Variants in PCARE observed in about 807,000 individuals in gnomAD.
PCARE encodes the protein photoreceptor cilium actin regulator, also known as uncharacterized protein C2orf71.
Under a neutral mutation model 82.2 loss-of-function variants are expected in PCARE, and 72 were observed. The ratio of observed to expected loss-of-function variants is 0.88; its 90% CI spans 0.72 to 1.07. The LOEUF (loss-of-function observed/expected upper bound fraction) is 1.07, where lower values mean the gene tolerates loss of function less well. Among genes scored for constraint, PCARE ranks in the 50% least tolerant of loss-of-function variants. The pLI, the probability that PCARE is intolerant of heterozygous loss-of-function variation, is 0.00. For synonymous variants in PCARE, 705 were observed against 634.8 expected (o/e 1.11, Z -1.66); for missense variants, 1,768 against 1,592.4 (o/e 1.11, Z -1.88).
In PCARE at chr2:29,071,081, G is replaced by C; in HGVS notation, c.3181C>G (p.Pro1061Ala). The C allele has an allele frequency of 6.3e-7, 1 of 1,590,466 alleles. No individual in the cohort carries two copies. Among genetic ancestry groups the C allele is most frequent in the South Asian group, 1.1e-5 (1 of 89,484 alleles). The change falls in exon 1 of 2, where the codon CCC becomes GCC. Residue 1061 changes from proline to alanine, a missense_variant. Physicochemically the swap from Pro to Ala is conservative, Grantham distance 27 (BLOSUM62 -1). Coordinates refer to ENST00000331664, the MANE Select transcript of PCARE (RefSeq NM_001029883.3). ...TTGCACTGAGCAGGTGCACTCTCGG[G>C]GGGAGGGTTGGGCAACTTGGGCTGG... ...PHQPKLPNPP[P>A]ESAPAQCKVP...
chr2:29,066,916 T>C (rs1366517053), intron 1 of PCARE, among the ~76,000 whole-genome samples: 4 of 152,230 alleles, frequency 2.6e-5, no homozygotes, highest in Admixed American at 6.5e-5. Flanking sequence ...TCCTGAGACC[T>C]AGAGGCTGGT....
rs370401256 is a variant in PCARE at position 29,072,672 on chromosome 2, C to G, written c.1590G>C (p.Arg530Ser). ...DRESPFQART[R>S]RLRSLQAQEM... ...CCTGGGCCTGGAGGCTCCTAAGCCT[C>G]CTGGTGCGGGCCTGAAATGGGCTTT... Residue 530 changes from arginine to serine, a missense_variant, in exon 1 of 2, where the codon AGG becomes AGC. Physicochemically the swap from Arg to Ser is moderately radical, Grantham distance 110. Transcript: ENST00000331664. The G allele has an allele frequency of 6.2e-7, 1 of 1,613,916 alleles. No homozygotes were observed. The highest frequency in any genetic ancestry group is 1.3e-5 in the African/African-American group (1 of 74,916).
chr2:29,071,777 G>A lies in PCARE; in HGVS notation c.2485C>T (p.His829Tyr), dbSNP rs536921909. The A allele has an allele frequency of 1.9e-6, 3 of 1,613,558 alleles. No individual in the cohort carries two copies. The highest frequency in any genetic ancestry group is 4.5e-5 in the East Asian group (2 of 44,868). Residue 829 changes from histidine (H) to tyrosine (Y), a missense_variant, in exon 1 of 2, where the codon CAC (histidine) becomes TAC (tyrosine). Physicochemically the swap from His to Tyr is moderately conservative, Grantham distance 83 (BLOSUM62 2). Transcript: ENST00000331664. ...ACTTCCATAGGCGGTGGAGGGAGGT[G>A]CTCGAGGTTCCCCTCCATTTCACAG... The part of the protein sequence containing the change: ...LSCEMEGNLE[H>Y]LPPPPMEVLM...
In PCARE at chr2:29,071,162, C is replaced by T; in HGVS notation, c.3100G>A (p.Val1034Met). 6.3e-7 allele frequency: 1 copy of T among 1,578,310 alleles called. No homozygotes were observed. Among genetic ancestry groups the T allele is most frequent in the Non-Finnish European group, 8.6e-7 (1 of 1,162,310 alleles). Residue 1034 changes from valine to methionine, a missense_variant, in exon 1 of 2, where the codon GTG becomes ATG. Transcript: ENST00000331664. The part of the protein sequence containing the change: ...SAVQTPPSPP[V>M]SPRVLSPPTT... ...GGTGGGCTTAGCACCCTGGGGCTCA[C>T]AGGTGGGCTGGGGGGCGTCTGCACA...
rs888285074 is a variant in PCARE at position 29,063,028 on chromosome 2, C to T, written c.*1841G>A. The T allele has an allele frequency of 2.0e-5, 3 of 152,320 alleles. No homozygotes were observed. The highest frequency in any genetic ancestry group is 1.3e-4 in the Admixed American group (2 of 15,292). 9.4% of individuals were successfully genotyped at this position (152,320 alleles called of 1,614,324 possible). Reference sequence around the variant, plus strand: ...CCGCTCACACTGTGTGTCTCCTGCTCACTCAGCTCAGTGCCCAGCTTACCT... The same window carrying T: ...CCGCTCACACTGTGTGTCTCCTGCTTACTCAGCTCAGTGCCCAGCTTACCT... On this transcript the variant is annotated 3_prime_UTR_variant, in exon 2 of 2. Transcript: ENST00000331664.
chr2:29,071,493 G>A lies in PCARE; in HGVS notation c.2769C>T (p.Asp923=), dbSNP rs1222505969. 1.2e-6 allele frequency: 2 copies of A among 1,610,520 alleles called. No homozygotes were observed. The highest frequency in any genetic ancestry group is 3.3e-5 in the Admixed American group (2 of 60,010). ...SSCQPRKPAL[D]LSSPPATSQS... is the part of the protein sequence containing the mutation. ...GGCTGGTGGCTGGTGGGCTGCTCAGGTCCAGGGCTGGCTTCCTGGGCTGGC... is the reference window on the plus strand; with the variant it reads ...GGCTGGTGGCTGGTGGGCTGCTCAGATCCAGGGCTGGCTTCCTGGGCTGGC... The change falls in exon 1 of 2, where the codon GAC becomes GAT. Residue 923 remains aspartate (D), a synonymous_variant. Transcript: ENST00000331664.
Position 29,064,361 on chromosome 2 carries a change from T to C in PCARE, c.*508A>G, listed in dbSNP as rs10196859. ...TGTAATAAAAAGAGCAGAGAGATTC[T>C]AACACCAGACTCATCTGTGCAAAAT... On this transcript the variant is annotated 3_prime_UTR_variant, in exon 2 of 2. Transcript: ENST00000331664. The C allele has an allele frequency of 0.3, 52,582 of 175,736 alleles. 8,649 individuals are homozygous for C. Among genetic ancestry groups the C allele is most frequent in the East Asian group, 0.49 (3,220 of 6,572 alleles). The allele number at this position is 175,736 out of a possible 1,614,324, so 10.9% of individuals were successfully genotyped here. A position where few individuals can be genotyped will look rare whatever the true frequency, so the allele number is the denominator to read the frequency against.
At position 29,071,373 on chromosome 2, in the gene PCARE, G is replaced by A. The variant is rs144569618; in HGVS notation, c.2889C>T (p.Ser963=). Residue 963 remains serine (S), a synonymous_variant, in exon 1 of 2, where the codon TCC becomes TCT. Coordinates refer to ENST00000331664, the MANE Select transcript of PCARE (RefSeq NM_001029883.3). ...QPRKAIAWHH[S]GPPSGQNRTS... ...TCCTGTTTTGTCCAGATGGAGGGCC[G>A]GAGTGGTGCCAGGCGATGGCCTTCC... is the stretch of plus-strand genomic sequence containing the variant. 47,433 of 1,613,700 alleles carry A rather than the reference G, an allele frequency of 0.029. 1,561 individuals are homozygous for A. Among genetic ancestry groups the A allele is most frequent in the Admixed American group, 0.17 (10,338 of 60,010 alleles).
At position 29,064,578 on chromosome 2, in the gene PCARE, C is replaced by A; in HGVS notation, c.*291G>T. On this transcript the variant is annotated 3_prime_UTR_variant, in exon 2 of 2. Coordinates refer to ENST00000331664, the MANE Select transcript of PCARE (RefSeq NM_001029883.3). ...CAAGCATGCAACTATACATTCTCCA[C>A]CCCCCACCCCACCCCAAATTAAGGC... The A allele has an allele frequency of 3.6e-6, 2 of 552,556 alleles. No homozygotes were observed. Among genetic ancestry groups the A allele is most frequent in the South Asian group, 4.2e-5 (2 of 47,250 alleles). The allele number at this position is 552,556 out of a possible 1,614,324, so 34.2% of individuals were successfully genotyped here. A position where few individuals can be genotyped will look rare whatever the true frequency, so the allele number is the denominator to read the frequency against.
rs536622131 is a variant in PCARE at position 29,070,943 on chromosome 2, C to T, written c.3319G>A (p.Asp1107Asn). 8.9e-5 allele frequency: 143 copies of T among 1,612,218 alleles called. 1 individual carries two copies. In the South Asian group the frequency reaches 1.1e-3, roughly 13 times the overall value. ...QEHKETRDSEDSQAVIAKVSG... is the reference protein window; with the variant it reads ...QEHKETRDSENSQAVIAKVSG... ...ACTTTGGCTATGACTGCTTGGCTGT[C>T]TTCAGAGTCTCTTGTTTCCTTGTGC... Residue 1107 changes from aspartate (D) to asparagine (N), a missense_variant, in exon 1 of 2, where the codon GAC becomes AAC. Transcript: ENST00000331664.
Position 29,064,879 on chromosome 2 carries a change from T to C in PCARE, c.3857A>G (p.Glu1286Gly). The change falls in exon 2 of 2, where the codon GAG (glutamate) becomes GGG (glycine). Residue 1286 changes from glutamate (E) to glycine (G), a missense_variant. Transcript: ENST00000331664. ...CCCCTCGTCAGCCTGTCAGGACACCTCCTCTTGCTGGGGCTGCGCCTCTGG... is the reference window on the plus strand; with the variant it reads ...CCCCTCGTCAGCCTGTCAGGACACCCCCTCTTGCTGGGGCTGCGCCTCTGG... ...SQPEAQPQQE[E>G]VS The C allele has an allele frequency of 1.2e-6, 2 of 1,611,418 alleles. No individual in the cohort carries two copies. Among genetic ancestry groups the C allele is most frequent in the South Asian group, 1.1e-5 (1 of 90,972 alleles).
In PCARE at chr2:29,074,138, G is replaced by A; in HGVS notation, c.124C>T (p.Pro42Ser). The change falls in exon 1 of 2, where the codon CCT becomes TCT. Residue 42 changes from proline to serine, a missense_variant. By Grantham distance (74) the Pro-to-Ser change is moderately conservative. Coordinates refer to ENST00000331664, the MANE Select transcript of PCARE (RefSeq NM_001029883.3). ...CQGGSERGSI[P>S]LLVKNSTCYD... Reference sequence around the variant, plus strand: ...CAGGTGGAGTTTTTAACCAGCAAAGGGATGGAACCTCTTTCACTTCCGCCC... The same window carrying A: ...CAGGTGGAGTTTTTAACCAGCAAAGAGATGGAACCTCTTTCACTTCCGCCC... 1 of 1,613,116 alleles carries A rather than the reference G, an allele frequency of 6.2e-7. No homozygotes were observed. Among genetic ancestry groups the A allele is most frequent in the Non-Finnish European group, 8.5e-7 (1 of 1,179,206 alleles).
chr2:29,066,350 G>A (rs1667389131), intron 1 of PCARE, among the ~76,000 whole-genome samples: 1 of 152,078 alleles, frequency 6.6e-6, no homozygotes, highest in Admixed American at 6.5e-5. Flanking sequence ...GGACTCTAGG[G>A]ACCACACTAT....
At position 29,073,078 on chromosome 2, in the gene PCARE, T is replaced by C. The variant is rs775843510; in HGVS notation, c.1184A>G (p.His395Arg). 1.2e-6 allele frequency: 2 copies of C among 1,613,932 alleles called. No homozygotes were observed. The highest frequency in any genetic ancestry group is 2.7e-5 in the African/African-American group (2 of 74,894). ...SPHTEARQSGHTWQQSPFCLG... is the reference protein window; with the variant it reads ...SPHTEARQSGRTWQQSPFCLG... ...ACAGAATGGACTTTGCTGCCAGGTG[T>C]GTCCTGACTGCCTGGCCTCTGTGTG... is the stretch of plus-strand genomic sequence containing the variant. Residue 395 changes from histidine to arginine, a missense_variant, in exon 1 of 2, where the codon CAC becomes CGC. By Grantham distance (29) the His-to-Arg change is conservative. Transcript: ENST00000331664.
At chr2:29,069,282 T>C (rs918238567) in intron 1 of PCARE, among the ~76,000 whole-genome samples, 2 of 152,224 alleles carry the variant, frequency 1.3e-5, no homozygotes, top group Non-Finnish European at 2.9e-5. Context: ...AGCAAAGATA[T>C]GGAGTCAACC....
Position 29,071,497 on chromosome 2 carries a change from A to C in PCARE, c.2765T>G (p.Leu922Arg), listed in dbSNP as rs1387853686. Reference protein sequence around the residue: ...RSSCQPRKPALDLSSPPATSQ... With the variant: ...RSSCQPRKPARDLSSPPATSQ... Reference sequence around the variant, plus strand: ...GGTGGCTGGTGGGCTGCTCAGGTCCAGGGCTGGCTTCCTGGGCTGGCAGCT... The same window carrying C: ...GGTGGCTGGTGGGCTGCTCAGGTCCCGGGCTGGCTTCCTGGGCTGGCAGCT... Residue 922 changes from leucine to arginine, a missense_variant, in exon 1 of 2, where the codon CTG becomes CGG. Physicochemically the swap from Leu to Arg is moderately radical, Grantham distance 102. Transcript: ENST00000331664. 6 of 1,610,190 alleles carry C rather than the reference A, an allele frequency of 3.7e-6. No homozygotes were observed. In the African/African-American group the frequency reaches 8.0e-5, roughly 21 times the overall value.
Position 29,071,931 on chromosome 2 carries a change from C to CA in PCARE, c.2330dup (p.Leu777PhefsTer34). ...CTGGAGAAATTTGGGGCTTCGGATA[C>CA]AAAGGGGCAAGCCCTGTGTACTTGG... On this transcript the variant is annotated frameshift_variant, in exon 1 of 2. Coordinates refer to ENST00000331664, the MANE Select transcript of PCARE (RefSeq NM_001029883.3). LOFTEE classifies it high-confidence loss of function. 6.2e-7 allele frequency: 1 copy of CA among 1,614,156 alleles called. No individual in the cohort carries two copies. Among genetic ancestry groups the CA allele is most frequent in the African/African-American group, 1.3e-5 (1 of 75,062 alleles).
At position 29,072,445 on chromosome 2, in the gene PCARE, T is replaced by C; in HGVS notation, c.1817A>G (p.Asp606Gly). Residue 606 changes from aspartate (D) to glycine (G), a missense_variant, in exon 1 of 2, where the codon GAC (aspartate) becomes GGC (glycine). Coordinates refer to ENST00000331664, the MANE Select transcript of PCARE (RefSeq NM_001029883.3). The stretch of plus-strand genomic sequence containing the variant: ...CCTTCGCAGCTCCTGAAAGGTGGGG[T>C]CCTCCACGTGACTCTGGAGACACGA... ...SESCLQSHVEDPTFQELRRVQ... is the reference protein window; with the variant it reads ...SESCLQSHVEGPTFQELRRVQ... 6.2e-7 allele frequency: 1 copy of C among 1,614,038 alleles called. No individual in the cohort carries two copies.
At chr2:29,067,571 G>T (rs1558486157) in intron 1 of PCARE, among the ~76,000 whole-genome samples, 1 of 152,058 alleles carries the variant, frequency 6.6e-6, no homozygotes, top group South Asian at 2.1e-4. Context: ...TCTAGATGAG[G>T]TCTCACTCTG....
Sources: allele counts gnomAD v4.1 joint callset (sites outside exome capture counted in the v4.1 genomes callset), GRCh38; gene constraint gnomAD v4.1.1; transcripts MANE v1.5; gene names NCBI Gene and HGNC (gene_info 2026-07-23, HGNC 2026-07-21).